Variants in ZNF519 observed in about 807,000 individuals in gnomAD.
The protein encoded by ZNF519 is zinc finger protein 519.
A neutral mutation model predicts 7.4 loss-of-function variants in ZNF519; 7 were observed. That is an observed-to-expected ratio of 0.94 (90% CI 0.54 to 1.77). The LOEUF (loss-of-function observed/expected upper bound fraction) is 1.77. Among genes scored for constraint, ZNF519 ranks in the 40% most tolerant of loss-of-function variants. ZNF519 has a pLI of 0.00. For synonymous variants in ZNF519, 179 were observed against 203.3 expected (o/e 0.88, Z 1.02); for missense variants, 586 against 623.1 (o/e 0.94, Z 0.63).
Position 14,106,315 on chromosome 18 carries a change from G to A in ZNF519, c.225C>T (p.Gly75=). The A allele has an allele frequency of 6.2e-7, 1 of 1,611,892 alleles. No homozygotes were observed. Among genetic ancestry groups the A allele is most frequent in the Non-Finnish European group, 8.5e-7 (1 of 1,179,494 alleles). The change falls in exon 3 of 3, where the codon GGC becomes GGT. Residue 75 remains glycine (G), a synonymous_variant. Transcript: ENST00000590202. ...TTTTCCATAAGCATATATTTTCAAG[G>A]CCACAGCTCCCATATCTTCCCAGTG... ...KATLGRYGSC[G]LENICLWKNW...
chr18:14,108,108 T>C (rs544561235), intron 2 of ZNF519, among the ~76,000 whole-genome samples: 3 of 152,294 alleles, frequency 2.0e-5, no homozygotes, highest in African/African-American at 7.2e-5. Flanking sequence ...TACCAGGTAG[T>C]GGTTACAGCT....
intron 1 of ZNF519, among the ~76,000 whole-genome samples, 186 bp downstream of exon 1, chr18:14,132,089 G>C (rs542441874): frequency 6.6e-6 from 1 of 152,210 alleles, no homozygotes; most frequent in Admixed American, 6.5e-5. Flanking sequence ...TGCGCAAAGA[G>C]GGCTACAGGC....
exon 5 of ZNF519, chr18:14,076,145 GC>G (rs2143071076): frequency 6.6e-6 from 1 of 152,130 alleles, no homozygotes; most frequent in African/African-American, 2.4e-5. Context: ...ACCACTATGT[GC>G]CTCAACCTTG....
chr18:14,075,289 C>T (rs1019220258), downstream of ZNF519: 4 of 152,298 alleles, frequency 2.6e-5, no homozygotes, highest in Non-Finnish European at 2.9e-5. Context: ...GTGTTGTTTT[C>T]GCCATTCCAC....
At chr18:14,089,448 C>T (rs951326003) in intron 2 of ZNF519, among the ~76,000 whole-genome samples, 3 of 152,100 alleles carry the variant, frequency 2.0e-5, no homozygotes, top group Admixed American at 6.5e-5. Context: ...CTAGGATTTC[C>T]GGACACACAC....
downstream of ZNF519, among the ~76,000 whole-genome samples, chr18:14,098,992 T>C (rs9945697): frequency 0.022 from 3,354 of 152,268 alleles, 127 homozygotes; most frequent in African/African-American, 0.074. Context: ...GGAATGTTTT[T>C]GTGACACAGA....
At chr18:14,095,183 G>C (rs984198567), downstream of ZNF519, among the ~76,000 whole-genome samples, 4 of 152,124 alleles carry the variant, frequency 2.6e-5, no homozygotes, top group Admixed American at 2.0e-4. Context: ...AGGAACTAGA[G>C]CAAAACCTAA....
chr18:14,105,407 C>T lies in ZNF519; in HGVS notation c.1133G>A (p.Cys378Tyr). The change falls in exon 3 of 3, where the codon TGT becomes TAT. Residue 378 changes from cysteine (C) to tyrosine (Y), a missense_variant. By Grantham distance (194) the Cys-to-Tyr change is radical. Coordinates refer to ENST00000590202, the MANE Select transcript of ZNF519 (RefSeq NM_145287.4). ...ATTAAAGGCTTTGCCACATTCCTTA[C>T]ATCTGAAAGGTTTCTCTCCGGTATG... ...RIHTGEKPFRCKECGKAFNRS... is the reference protein window; with the variant it reads ...RIHTGEKPFRYKECGKAFNRS... The T allele has an allele frequency of 6.2e-7, 1 of 1,613,994 alleles. No homozygotes were observed. The highest frequency in any genetic ancestry group is 1.1e-5 in the South Asian group (1 of 91,072).
chr18:14,105,830 T>C lies in ZNF519; in HGVS notation c.710A>G (p.Gln237Arg). Residue 237 changes from glutamine (Q) to arginine (R), a missense_variant, in exon 3 of 3, where the codon CAA becomes CGA. By Grantham distance (43) the Gln-to-Arg change is conservative. Coordinates refer to ENST00000590202, the MANE Select transcript of ZNF519 (RefSeq NM_145287.4). ...HQRIYIGESS[Q>R]RCNKKCIIVF... is the part of the protein sequence containing the mutation. Reference sequence around the variant, plus strand: ...TATTATACATTTTTTATTACATCTTTGTGAGCTCTCTCCAATATAAATTCT... The same window carrying C: ...TATTATACATTTTTTATTACATCTTCGTGAGCTCTCTCCAATATAAATTCT... 6.2e-7 allele frequency: 1 copy of C among 1,603,280 alleles called. No individual in the cohort carries two copies. Among genetic ancestry groups the C allele is most frequent in the East Asian group, 2.2e-5 (1 of 44,788 alleles).
chr18:14,107,857 C>T (rs1213815448), intron 2 of ZNF519, among the ~76,000 whole-genome samples: 5 of 152,002 alleles, frequency 3.3e-5, no homozygotes, highest in South Asian at 2.1e-4. Context: ...GGAATAAGGA[C>T]GGAAAAATGG....
intron 2 of ZNF519, among the ~76,000 whole-genome samples, chr18:14,094,821 C>T (rs1567942290): frequency 6.6e-6 from 1 of 151,650 alleles, no homozygotes; most frequent in African/African-American, 2.4e-5. Context: ...TTGATTGATT[C>T]TGTTGTTGAT....
chr18:14,127,182 C>T (rs1047897002), intron 1 of ZNF519, among the ~76,000 whole-genome samples: 56 of 152,156 alleles, frequency 3.7e-4, no homozygotes, highest in Non-Finnish European at 6.0e-4. Flanking sequence ...GTTTAACTTA[C>T]AGGATTCTGT....
At chr18:14,122,847 G>C (rs566319146) in intron 2 of ZNF519, among the ~76,000 whole-genome samples, 177 of 151,310 alleles carry the variant, frequency 1.2e-3, no homozygotes, top group African/African-American at 4.1e-3. Context: ...TGTTACATAC[G>C]TATACATGTG....
chr18:14,072,690 T>C (rs1160159073), downstream of ZNF519: 1 of 152,168 alleles, frequency 6.6e-6, no homozygotes. Context: ...CGTAAATGTA[T>C]GAAAGCAGGA....
chr18:14,092,995 C>T (rs1179200403), intron 2 of ZNF519, among the ~76,000 whole-genome samples: 2 of 152,204 alleles, frequency 1.3e-5, no homozygotes, highest in Admixed American at 1.3e-4. Context: ...GACAATAAGC[C>T]CATCTTCCTT....
chr18:14,090,569 G>C (rs2046110305), intron 2 of ZNF519: 1 of 152,078 alleles, frequency 6.6e-6, no homozygotes. Context: ...CCCAGGAGTG[G>C]GCCTGGGTCT....
chr18:14,132,413 C>G lies in ZNF519; in HGVS notation c.-136G>C, dbSNP rs1225514037. 9.2e-6 allele frequency: 10 copies of G among 1,089,868 alleles called. No homozygotes were observed. The Admixed American group carries it at 1.9e-4, about 20-fold the overall frequency. The allele number at this position is 1,089,868 out of a possible 1,614,324, so 67.5% of individuals were successfully genotyped here. On this transcript the variant is annotated 5_prime_UTR_variant, in exon 1 of 3. Coordinates refer to ENST00000590202, the MANE Select transcript of ZNF519 (RefSeq NM_145287.4). ...ACACAAGGCAATGAAGCCCTAACCC[C>G]GCGCTCTGGCTGAAGTGAGACAAAG...
At chr18:14,125,651 G>C (rs1048711516) in intron 1 of ZNF519, among the ~76,000 whole-genome samples, 9 of 152,044 alleles carry the variant, frequency 5.9e-5, no homozygotes, top group African/African-American at 2.2e-4. Flanking sequence ...TGGAGAACAG[G>C]TTGCTGGATG....
At chr18:14,115,904 A>T (rs2046243865) in intron 2 of ZNF519, among the ~76,000 whole-genome samples, 1 of 152,184 alleles carries the variant, frequency 6.6e-6, no homozygotes. Context: ...AAGTGGAGAA[A>T]ATGGGTAGTT....
Sources: allele counts gnomAD v4.1 joint callset (sites outside exome capture counted in the v4.1 genomes callset), GRCh38; gene constraint gnomAD v4.1.1; transcripts MANE v1.5; gene names NCBI Gene and HGNC (gene_info 2026-07-23, HGNC 2026-07-21).